The following RFX3 variants were observed in gnomAD, a reference collection of about 807,000 sequenced individuals.
The protein encoded by RFX3 is regulatory factor X3.
Under a neutral mutation model 98.6 loss-of-function variants are expected in RFX3, and 14 were observed. The ratio of observed to expected loss-of-function variants is 0.14; its 90% CI spans 0.09 to 0.22. The LOEUF (loss-of-function observed/expected upper bound fraction) is 0.22. Among genes scored for constraint, RFX3 ranks in the 10% least tolerant of loss-of-function variants. RFX3 has a pLI of 1.00. For synonymous variants in RFX3, 383 were observed against 328.4 expected, an observed-to-expected ratio of 1.17 and a Z score of -1.80; for missense variants, 639 against 926.9, an observed-to-expected ratio of 0.69 and a Z score of 4.03.
At chr9:3,261,033 AT>A (rs1822817808) in intron 13 of RFX3, among the ~76,000 whole-genome samples, 1 of 151,782 alleles carries the variant, frequency 6.6e-6, no homozygotes, top group Non-Finnish European at 1.5e-5. Context: ...TATATTTTAA[AT>A]GACAAAACTA....
chr9:3,451,963 C>G (rs779250063), intron 1 of RFX3, among the ~76,000 whole-genome samples: 26 of 152,006 alleles, frequency 1.7e-4, no homozygotes, highest in Non-Finnish European at 3.2e-4. Context: ...GTTACACTCT[C>G]AAATCCACAA....
intron 4 of RFX3, among the ~76,000 whole-genome samples, chr9:3,325,504 GC>G (rs1378821223): frequency 6.6e-6 from 1 of 151,932 alleles, no homozygotes; most frequent in African/African-American, 2.4e-5. Context: ...GTTAGCAACA[GC>G]CCATTTAAAT....
chr9:3,525,814 GGAA>G lies in RFX3; in HGVS notation c.-79_-77del, dbSNP rs1468286923. 3 of 822,646 alleles carry G rather than the reference GGAA, an allele frequency of 3.6e-6. No homozygotes were observed. In the East Asian group the frequency reaches 3.7e-4, roughly 101 times the overall value. The allele number at this position is 822,646 out of a possible 1,614,324, so 51.0% of individuals were successfully genotyped here. ...ATGGTGGTGGTGGGGAGGAGGAGGA[GGAA>G]GAGGAGGAGGAGGAGGAGAGGAGTA... On this transcript the variant is annotated 5_prime_UTR_variant, in exon 1 of 17. Coordinates refer to ENST00000617270, the MANE Select transcript of RFX3 (RefSeq NM_001282116.2).
intron 2 of RFX3, among the ~76,000 whole-genome samples, chr9:3,388,818 A>C (rs1232977500): frequency 6.6e-6 from 1 of 152,118 alleles, no homozygotes; most frequent in Non-Finnish European, 1.5e-5. Flanking sequence ...ACTCAATAGA[A>C]GTCCCTGAAC....
At chr9:3,367,091 C>A (rs1349835039) in intron 2 of RFX3, among the ~76,000 whole-genome samples, 4 of 152,114 alleles carry the variant, frequency 2.6e-5, no homozygotes, top group Non-Finnish European at 4.4e-5. Context: ...ATTCCTATAA[C>A]TTGTGAATAC....
At chr9:3,523,942 C>T (rs1236122559) in intron 1 of RFX3, among the ~76,000 whole-genome samples, 1 of 152,030 alleles carries the variant, frequency 6.6e-6, no homozygotes, top group Non-Finnish European at 1.5e-5. Flanking sequence ...TTTTTAAAAT[C>T]CCAACTCTTA....
At chr9:3,256,205 C>T (rs756622930) in intron 14 of RFX3, among the ~76,000 whole-genome samples, 4 of 152,108 alleles carry the variant, frequency 2.6e-5, no homozygotes, top group African/African-American at 7.2e-5. Flanking sequence ...CTCCTGACCT[C>T]GTGATCCGCC....
At chr9:3,283,598 G>A (rs560826046) in intron 7 of RFX3, among the ~76,000 whole-genome samples, 7 of 151,706 alleles carry the variant, frequency 4.6e-5, no homozygotes, top group Admixed American at 6.6e-5. Flanking sequence ...CTAAAAGAAC[G>A]TGCATGCTTT....
At chr9:3,502,254 T>C (rs1008223002) in intron 1 of RFX3, among the ~76,000 whole-genome samples, 1 of 150,926 alleles carries the variant, frequency 6.6e-6, no homozygotes, top group Non-Finnish European at 1.5e-5. Flanking sequence ...CAAGACTCTG[T>C]CTCAAAAGAA....
intron 2 of RFX3, among the ~76,000 whole-genome samples, chr9:3,379,309 C>T (rs1838916422): frequency 6.6e-6 from 1 of 152,104 alleles, no homozygotes; most frequent in South Asian, 2.1e-4. Flanking sequence ...AGAAGGCTTC[C>T]CTGGGGTCAT....
intron 1 of RFX3, among the ~76,000 whole-genome samples, chr9:3,504,132 T>C (rs991353582): frequency 8.0e-6 from 1 of 124,636 alleles, no homozygotes; most frequent in Non-Finnish European, 1.5e-5. Flanking sequence ...TCTCTCTTTA[T>C]ATATATTATA....
At chr9:3,314,505 C>G (rs533725962) in intron 4 of RFX3, among the ~76,000 whole-genome samples, 3 of 152,278 alleles carry the variant, frequency 2.0e-5, no homozygotes, top group South Asian at 4.1e-4. Context: ...ATGACAGGAT[C>G]AAATTCACAC....
intron 4 of RFX3, among the ~76,000 whole-genome samples, chr9:3,305,395 G>C (rs917072520): frequency 1.3e-5 from 2 of 152,120 alleles, no homozygotes; most frequent in East Asian, 1.9e-4. Flanking sequence ...GGCCATGCTA[G>C]TAGTAAGGTT....
At chr9:3,278,308 T>C (rs1292184097) in intron 7 of RFX3, among the ~76,000 whole-genome samples, 2 of 151,934 alleles carry the variant, frequency 1.3e-5, no homozygotes, top group African/African-American at 4.8e-5. Context: ...ATTTCTTCTT[T>C]TTCTCTGATT....
At chr9:3,368,422 T>C (rs547122188) in intron 2 of RFX3, among the ~76,000 whole-genome samples, 2 of 152,036 alleles carry the variant, frequency 1.3e-5, no homozygotes, top group Non-Finnish European at 2.9e-5. Flanking sequence ...CAATAAAAAA[T>C]TAGTGAATAT....
At chr9:3,460,110 T>C (rs1487644420) in intron 1 of RFX3, among the ~76,000 whole-genome samples, 4 of 152,070 alleles carry the variant, frequency 2.6e-5, no homozygotes, top group Non-Finnish European at 4.4e-5. Flanking sequence ...TCTTGCCTTC[T>C]ACCATTACTC....
chr9:3,312,495 A>G (rs1443997947), intron 4 of RFX3, among the ~76,000 whole-genome samples: 4 of 152,134 alleles, frequency 2.6e-5, no homozygotes. Context: ...ACAATATGCA[A>G]ATACATTACT....
At chr9:3,452,213 T>G (rs534839208) in intron 1 of RFX3, 1 of 165,590 alleles carries the variant, frequency 6.0e-6, no homozygotes, top group Admixed American at 6.0e-5. Context: ...CTTCTCTAGC[T>G]TGGCCCATTC....
intron 14 of RFX3, among the ~76,000 whole-genome samples, chr9:3,251,508 A>C (rs1338886992): frequency 6.6e-6 from 1 of 151,682 alleles, no homozygotes; most frequent in Non-Finnish European, 1.5e-5. Flanking sequence ...TAATTATTTT[A>C]TTTTGTTAGA....
Sources: allele counts gnomAD v4.1 joint callset (sites outside exome capture counted in the v4.1 genomes callset), GRCh38; gene constraint gnomAD v4.1.1; transcripts MANE v1.5; gene names NCBI Gene and HGNC (gene_info 2026-07-23, HGNC 2026-07-21).